Variants in VCAN observed in about 807,000 individuals in gnomAD.
The protein encoded by VCAN is versican core protein.
A neutral mutation model predicts 245.5 loss-of-function variants in VCAN; 44 were observed. The observed-to-expected ratio is 0.18, with a 90% confidence interval of 0.14 to 0.23. VCAN has a LOEUF of 0.23. Ranked by LOEUF, VCAN falls within the 10% of genes least tolerant of loss-of-function variation. The pLI is 1.00. For missense variants in VCAN, 3,793 were observed against 4,057.9 expected (o/e 0.93, Z 1.77); for synonymous variants, 1,413 against 1,437.0 (o/e 0.98, Z 0.38).
At chr5:83,486,285 C>A (rs1744789482) in intron 2 of VCAN, among the ~76,000 whole-genome samples, 1 of 152,170 alleles carries the variant, frequency 6.6e-6, no homozygotes, top group African/African-American at 2.4e-5. Flanking sequence ...AAAGGCCTTT[C>A]ATCTTCTAGC....
intron 10 of VCAN, among the ~76,000 whole-genome samples, chr5:83,550,135 C>G (rs1428076232): frequency 6.6e-6 from 1 of 152,162 alleles, no homozygotes; most frequent in Non-Finnish European, 1.5e-5. Flanking sequence ...TACAGCTTGC[C>G]TAGTGAGAAG....
chr5:83,553,338 A>T lies in VCAN; in HGVS notation c.9494-26A>T, dbSNP rs1331388440. On this transcript the variant is annotated intron_variant, in intron 10 of 14. Coordinates refer to ENST00000265077, the MANE Select transcript of VCAN (RefSeq NM_004385.5). ...AGTTTGAATGACGTATGTGCGTTTAATAAGCTCCTGCCTGTTTCTTCTCAG... is the reference window on the plus strand; with the variant it reads ...AGTTTGAATGACGTATGTGCGTTTATTAAGCTCCTGCCTGTTTCTTCTCAG... The T allele has an allele frequency of 1.9e-6, 3 of 1,613,708 alleles. No homozygotes were observed. The East Asian group carries it at 6.7e-5, about 36-fold the overall frequency.
intron 1 of VCAN, among the ~76,000 whole-genome samples, chr5:83,478,975 C>G (rs545176051): frequency 6.6e-6 from 1 of 152,232 alleles, no homozygotes; most frequent in African/African-American, 2.4e-5. Flanking sequence ...GTTCACCAGG[C>G]AGAGAACAGA....
intron 6 of VCAN, among the ~76,000 whole-genome samples, chr5:83,518,899 A>G (rs1458149703): frequency 6.6e-6 from 1 of 152,178 alleles, no homozygotes; most frequent in Non-Finnish European, 1.5e-5. Flanking sequence ...AGAAGGGAGC[A>G]TGTGGAGAAA....
chr5:83,541,545 G>T lies in VCAN; in HGVS notation c.8542G>T (p.Ala2848Ser), dbSNP rs750413378. 5.6e-6 allele frequency: 9 copies of T among 1,613,802 alleles called. No individual in the cohort carries two copies. The South Asian group carries it at 9.9e-5, about 18-fold the overall frequency. The change falls in exon 8 of 15, where the codon GCT becomes TCT. Residue 2848 changes from alanine (A) to serine (S), a missense_variant. This residue lies in a region of VCAN where 3,182 missense variants were observed against 3,250.3 expected (regional missense o/e 0.98). Coordinates refer to ENST00000265077, the MANE Select transcript of VCAN (RefSeq NM_004385.5). ...SGHTEIPQPS[A>S]LPGIDVGSSV... is the part of the protein sequence containing the mutation. ...ACACACAGAGATCCCCCAGCCCAGT[G>T]CTCTGCCAGGAATAGACGTCGGCTC...
Position 83,537,770 on chromosome 5 carries a change from T to G in VCAN, c.4767T>G (p.Ser1589Arg). The G allele has an allele frequency of 6.2e-7, 1 of 1,614,024 alleles. No homozygotes were observed. Among genetic ancestry groups the G allele is most frequent in the Non-Finnish European group, 8.5e-7 (1 of 1,179,958 alleles). The change falls in exon 8 of 15, where the codon AGT becomes AGG. Residue 1589 changes from serine to arginine, a missense_variant. Physicochemically the swap from Ser to Arg is moderately radical, Grantham distance 110 (BLOSUM62 -1). Around this residue, in one of 5 missense-constraint regions of VCAN, gnomAD observed 3,182 missense variants for 3,250.3 expected, o/e 0.98. Transcript: ENST00000265077. ...SVTYTPTIVP[S>R]SASAYVSEEE... ...CATACACTCCCACTATAGTTCCAAGTTCTGCATCAGCATATGTTTCAGAGG... is the reference window on the plus strand; with the variant it reads ...CATACACTCCCACTATAGTTCCAAGGTCTGCATCAGCATATGTTTCAGAGG...
intron 6 of VCAN, among the ~76,000 whole-genome samples, chr5:83,515,346 A>G (rs570297125): frequency 6.6e-6 from 1 of 152,256 alleles, no homozygotes; most frequent in Non-Finnish European, 1.5e-5. Flanking sequence ...CTCTCACAGA[A>G]TGTGATTAAT....
chr5:83,576,342 C>CT (rs901276962), intron 13 of VCAN, among the ~76,000 whole-genome samples: 13 of 151,742 alleles, frequency 8.6e-5, no homozygotes, highest in African/African-American at 2.4e-4. Context: ...GTGCTTTGCT[C>CT]TTTTTTTTGT....
chr5:83,513,790 T>A (rs1486046222), intron 6 of VCAN, among the ~76,000 whole-genome samples: 2 of 152,226 alleles, frequency 1.3e-5, no homozygotes, highest in Non-Finnish European at 2.9e-5. Flanking sequence ...TACTTCAGGC[T>A]CTAAAATCAG....
At chr5:83,509,108 G>GGAAAGAAA (rs910316439) in intron 5 of VCAN, among the ~76,000 whole-genome samples, 14 of 126,636 alleles carry the variant, frequency 1.1e-4, no homozygotes, top group Non-Finnish European at 2.2e-4. Flanking sequence ...AAGGAAGGAA[G>GGAAAGAAA]GAAAGAAAGA....
chr5:83,498,566 T>G (rs1322595389), intron 5 of VCAN, among the ~76,000 whole-genome samples: 1 of 152,218 alleles, frequency 6.6e-6, no homozygotes, highest in Admixed American at 6.5e-5. Flanking sequence ...CTTATTAGTT[T>G]GTTTAATTTC....
At chr5:83,526,509 G>A (rs1424705096) in intron 7 of VCAN, among the ~76,000 whole-genome samples, 1 of 152,108 alleles carries the variant, frequency 6.6e-6, no homozygotes, top group East Asian at 1.9e-4. Flanking sequence ...CTCATCTCCT[G>A]TGGTGGTTTT....
At chr5:83,543,318 C>T (rs942281790) in intron 8 of VCAN, among the ~76,000 whole-genome samples, 11 of 152,086 alleles carry the variant, frequency 7.2e-5, no homozygotes, top group African/African-American at 2.4e-4. Flanking sequence ...GACATCACCA[C>T]CTAGCTGCTA....
chr5:83,567,417 C>T (rs999001567), intron 12 of VCAN, among the ~76,000 whole-genome samples: 2 of 152,080 alleles, frequency 1.3e-5, no homozygotes, highest in African/African-American at 4.8e-5. Context: ...TTTCCTGCCT[C>T]AGCCTCCCGA....
chr5:83,525,144 G>A (rs1427991713), intron 7 of VCAN, among the ~76,000 whole-genome samples: 1 of 150,186 alleles, frequency 6.7e-6, no homozygotes, highest in African/African-American at 2.5e-5. Flanking sequence ...AACTTACGGT[G>A]CTCTAGCTAG....
Position 83,537,550 on chromosome 5 carries a change from A to G in VCAN, c.4547A>G (p.Lys1516Arg), listed in dbSNP as rs309559. Residue 1516 changes from lysine (K) to arginine (R), a missense_variant, in exon 8 of 15, where the codon AAA becomes AGA. This residue lies in a region of VCAN where 3,182 missense variants were observed against 3,250.3 expected (regional missense o/e 0.98). Transcript: ENST00000265077. ...GAGGAATTTGAAAGTGGAACAGCCA[A>G]AAAAGGGGCAGAATCAGTCACAGAG... ...FHEEFESGTA[K>R]KGAESVTERD... The G allele has an allele frequency of 0.49, 783,418 of 1,613,366 alleles. 191,058 individuals carry two copies. The highest frequency in any genetic ancestry group is 0.52 in the Admixed American group (31,127 of 59,884).
chr5:83,524,282 G>C (rs1004912887), intron 7 of VCAN, among the ~76,000 whole-genome samples: 3 of 152,146 alleles, frequency 2.0e-5, no homozygotes, highest in African/African-American at 7.2e-5. Flanking sequence ...TTGTGGACTT[G>C]ATTCAGCTAG....
chr5:83,551,569 G>A (rs1039689053), intron 10 of VCAN, among the ~76,000 whole-genome samples: 1 of 151,938 alleles, frequency 6.6e-6, no homozygotes, highest in South Asian at 2.1e-4. Flanking sequence ...AACCAATTGG[G>A]TTAATAGCAG....
In VCAN at chr5:83,539,721, A is replaced by G. The variant is rs778402454; in HGVS notation, c.6718A>G (p.Met2240Val). The change falls in exon 8 of 15, where the codon ATG (methionine) becomes GTG (valine). Residue 2240 changes from methionine to valine, a missense_variant. Around this residue, in one of 5 missense-constraint regions of VCAN, gnomAD observed 3,182 missense variants for 3,250.3 expected, o/e 0.98. Transcript: ENST00000265077. The part of the protein sequence containing the change: ...EESTKHFPKG[M>V]RPTIQESDTE... ...AAGTACAAAACATTTTCCGAAAGGC[A>G]TGAGACCAACAATTCAAGAGTCAGA... 1 of 1,613,792 alleles carries G rather than the reference A, an allele frequency of 6.2e-7. No individual in the cohort carries two copies. Among genetic ancestry groups the G allele is most frequent in the Non-Finnish European group, 8.5e-7 (1 of 1,179,996 alleles).
Sources: allele counts gnomAD v4.1 joint callset (sites outside exome capture counted in the v4.1 genomes callset), GRCh38; gene constraint gnomAD v4.1.1; regional missense constraint gnomAD v4.1.1; transcripts MANE v1.5; gene names NCBI Gene and HGNC (gene_info 2026-07-23, HGNC 2026-07-21).